RAP2C: variants seen among roughly 807,000 people sequenced by gnomAD.
RAP2C encodes ras-related protein Rap-2c.
A neutral mutation model predicts 8.9 loss-of-function variants in RAP2C; 3 were observed. That is an observed-to-expected ratio of 0.34 (90% CI 0.15 to 0.87). The LOEUF (loss-of-function observed/expected upper bound fraction) is 0.87. RAP2C is among the 40% of genes least tolerant of loss of function. The pLI is 0.51. For missense variants in RAP2C, 76 were observed against 133.7 expected, an observed-to-expected ratio of 0.57 and a Z score of 2.13; for synonymous variants, 60 against 52.1, an observed-to-expected ratio of 1.15 and a Z score of -0.65.
rs765942233 is a variant in RAP2C at position 132,203,754 on chromosome X, AAATT to A, written c.*1864_*1867del. The stretch of plus-strand genomic sequence containing the variant: ...AAGTTTGGTATTAAAGTGCAAACTT[AAATT>A]AAGTATTCACTTCAAGCAGTTCATA... On this transcript the variant is annotated 3_prime_UTR_variant, in exon 6 of 6. Transcript: ENST00000370874. 84 of 112,408 alleles carry A rather than the reference AAATT, an allele frequency of 7.5e-4. 2 individuals carry two copies. In the Admixed American group the frequency reaches 7.9e-3, roughly 11 times the overall value. The allele number at this position is 112,408 out of a possible 1,213,427, so 9.3% of individuals were successfully genotyped here.
At chrX:132,216,922 G>C in intron 4 of RAP2C, 74 bp downstream of exon 4, 1 of 1,030,990 alleles carries the variant, frequency 9.7e-7, no homozygotes, top group Admixed American at 3.5e-5. Flanking sequence ...TTAATGCACG[G>C]TTCAAGCAAC....
Position 132,217,345 on chromosome X carries a change from G to A in RAP2C, c.-77C>T. 3.1e-6 allele frequency: 3 copies of A among 955,410 alleles called. No individual in the cohort carries two copies. Among genetic ancestry groups the A allele is most frequent in the Non-Finnish European group, 4.1e-6 (3 of 724,520 alleles). The allele number at this position is 955,410 out of a possible 1,213,427, so 78.7% of individuals were successfully genotyped here. A position where few individuals can be genotyped will look rare whatever the true frequency, so the allele number is the denominator to read the frequency against. The stretch of plus-strand genomic sequence containing the variant: ...AGCTGTGGCGCGGCTAGACGAGGCG[G>A]AAGGTGGGCGGAAATCTGCGAACTG... On this transcript the variant is annotated 5_prime_UTR_variant, in exon 4 of 6. Transcript: ENST00000370874.
chrX:132,218,362 C>G (rs1376488138), intron 1 of RAP2C, 21 bp from the exon 2 acceptor site: 5 of 108,130 alleles, frequency 4.6e-5, no homozygotes, highest in African/African-American at 1.7e-4. Context: ...AGTCCTTACC[C>G]GCCCGCGGCT....
At position 132,205,421 on chromosome X, in the gene RAP2C, C is replaced by G. The variant is rs1361116467; in HGVS notation, c.*201G>C. 8.9e-6 allele frequency: 1 copy of G among 112,037 alleles called. No homozygotes were observed. Among genetic ancestry groups the G allele is most frequent in the Non-Finnish European group, 1.9e-5 (1 of 53,155 alleles). The allele number at this position is 112,037 out of a possible 1,213,427, so 9.2% of individuals were successfully genotyped here. On this transcript the variant is annotated 3_prime_UTR_variant, in exon 6 of 6. Coordinates refer to ENST00000370874, the MANE Select transcript of RAP2C (RefSeq NM_001271186.2). Reference sequence around the variant, plus strand: ...TTAAACGTATGGTAAACGTGCTAAGCATTCCTGTTTAAGGTCGATGGATCT... The same window carrying G: ...TTAAACGTATGGTAAACGTGCTAAGGATTCCTGTTTAAGGTCGATGGATCT...
Position 132,203,691 on chromosome X carries a change from T to C in RAP2C, c.*1931A>G, listed in dbSNP as rs1002352215. The C allele has an allele frequency of 1.8e-5, 2 of 112,520 alleles. No individual in the cohort carries two copies. Among genetic ancestry groups the C allele is most frequent in the East Asian group, 5.5e-4 (2 of 3,606 alleles). The allele number at this position is 112,520 out of a possible 1,213,427, so 9.3% of individuals were successfully genotyped here. The stretch of plus-strand genomic sequence containing the variant: ...CCACAAAGCTAATAACAATGATCCA[T>C]GATCACTTAACCTACTTTTAAATGA... On this transcript the variant is annotated 3_prime_UTR_variant, in exon 6 of 6. Transcript: ENST00000370874.
At position 132,216,982 on chromosome X, in the gene RAP2C, C is replaced by G. The variant is rs771794177; in HGVS notation, c.273+14G>C. On this transcript the variant is annotated intron_variant, in intron 4 of 5. Transcript: ENST00000370874. ...CACCCCCTTCTAACAAATTACAAGACTTGGTTTGGTTACCTGAAAAGACTG... is the reference window on the plus strand; with the variant it reads ...CACCCCCTTCTAACAAATTACAAGAGTTGGTTTGGTTACCTGAAAAGACTG... 1 of 1,113,266 alleles carries G rather than the reference C, an allele frequency of 9.0e-7. No homozygotes were observed. The highest frequency in any genetic ancestry group is 3.1e-5 in the Admixed American group (1 of 31,839). The allele number at this position is 1,113,266 out of a possible 1,213,427, so 91.7% of individuals were successfully genotyped here. A position where few individuals can be genotyped will look rare whatever the true frequency, so the allele number is the denominator to read the frequency against.
rs1055009035 is a variant in RAP2C at position 132,203,787 on chromosome X, AAGG to A, written c.*1832_*1834del. On this transcript the variant is annotated 3_prime_UTR_variant, in exon 6 of 6. Coordinates refer to ENST00000370874, the MANE Select transcript of RAP2C (RefSeq NM_001271186.2). Reference sequence around the variant, plus strand: ...TATTCACTTCAAGCAGTTCATAAATAAGGAACAATGTTTCAATTGCCTCTATCT... The same window carrying A: ...TATTCACTTCAAGCAGTTCATAAATAAACAATGTTTCAATTGCCTCTATCT... 8.9e-6 allele frequency: 1 copy of A among 112,281 alleles called. No homozygotes were observed. The highest frequency in any genetic ancestry group is 3.2e-5 in the African/African-American group (1 of 30,867). The allele number at this position is 112,281 out of a possible 1,213,427, so 9.3% of individuals were successfully genotyped here.
At position 132,205,055 on chromosome X, in the gene RAP2C, A is replaced by T. The variant is rs1376901647; in HGVS notation, c.*567T>A. ...AAGGGATATTCCATCCATACAGGTA[A>T]AATGTGATCTTTAGTTTCTTTTTAC... On this transcript the variant is annotated 3_prime_UTR_variant, in exon 6 of 6. Transcript: ENST00000370874. 1 of 111,264 alleles carries T rather than the reference A, an allele frequency of 9.0e-6. No individual in the cohort carries two copies. Among genetic ancestry groups the T allele is most frequent in the Non-Finnish European group, 1.9e-5 (1 of 52,877 alleles). The allele number at this position is 111,264 out of a possible 1,213,427, so 9.2% of individuals were successfully genotyped here.
At position 132,203,506 on chromosome X, in the gene RAP2C, T is replaced by TGAGAGAGAGAGA. The variant is rs10617253; in HGVS notation, c.*2104_*2115dup. On this transcript the variant is annotated 3_prime_UTR_variant, in exon 6 of 6. Coordinates refer to ENST00000370874, the MANE Select transcript of RAP2C (RefSeq NM_001271186.2). ...TCAATGACAATGAACACTGTAATTT[T>TGAGAGAGAGAGA]GAGAGAGAGAGAGAGAGAGAGAGAG... The TGAGAGAGAGAGA allele has an allele frequency of 1.7e-5, 1 of 60,343 alleles. No homozygotes were observed. Among genetic ancestry groups the TGAGAGAGAGAGA allele is most frequent in the Non-Finnish European group, 3.2e-5 (1 of 31,272 alleles). The allele number at this position is 60,343 out of a possible 1,213,427, so 5.0% of individuals were successfully genotyped here. A position where few individuals can be genotyped will look rare whatever the true frequency, so the allele number is the denominator to read the frequency against.
chrX:132,213,866 T>G (rs1157099373), intron 5 of RAP2C, among the ~76,000 whole-genome samples: 3 of 111,785 alleles, frequency 2.7e-5, no homozygotes, highest in Non-Finnish European at 5.6e-5. Flanking sequence ...CAAAGAAATA[T>G]TACCAATAAA....
At chrX:132,207,597 A>G (rs1930308371) in intron 5 of RAP2C, among the ~76,000 whole-genome samples, 1 of 111,936 alleles carries the variant, frequency 8.9e-6, no homozygotes, top group East Asian at 2.8e-4. Context: ...AGAGAGTAAT[A>G]AATTATAATT....
intron 5 of RAP2C, among the ~76,000 whole-genome samples, chrX:132,207,954 G>T (rs1258147802): frequency 1.8e-5 from 2 of 108,834 alleles, no homozygotes; most frequent in Admixed American, 2.0e-4. Flanking sequence ...TTACTTAATT[G>T]TTTGGTTTTA....
At chrX:132,216,372 A>C (rs1410616359) in intron 4 of RAP2C, among the ~76,000 whole-genome samples, 1 of 111,792 alleles carries the variant, frequency 8.9e-6, no homozygotes, top group Non-Finnish European at 1.9e-5. Flanking sequence ...GTTGGTTATT[A>C]ATTCTAGGTA....
In RAP2C at chrX:132,203,541, G is replaced by T. The variant is rs776649420; in HGVS notation, c.*2081C>A. 1 of 101,692 alleles carries T rather than the reference G, an allele frequency of 9.8e-6. No homozygotes were observed. The highest frequency in any genetic ancestry group is 3.7e-5 in the African/African-American group (1 of 27,095). The allele number at this position is 101,692 out of a possible 1,213,427, so 8.4% of individuals were successfully genotyped here. A position where few individuals can be genotyped will look rare whatever the true frequency, so the allele number is the denominator to read the frequency against. ...AGAGAGAGAGAGAGAGAGAGAGAGAGAGAGAGAGAGAGAGAGAGAGAAACA... is the reference window on the plus strand; with the variant it reads ...AGAGAGAGAGAGAGAGAGAGAGAGATAGAGAGAGAGAGAGAGAGAGAAACA... On this transcript the variant is annotated 3_prime_UTR_variant, in exon 6 of 6. Transcript: ENST00000370874.
chrX:132,214,765 C>T (rs1057404279), intron 4 of RAP2C, among the ~76,000 whole-genome samples: 2 of 111,520 alleles, frequency 1.8e-5, no homozygotes, highest in Non-Finnish European at 3.8e-5. Context: ...TTAATCCATT[C>T]GTACATAAGG....
At position 132,213,614 on chromosome X, in the gene RAP2C, C is replaced by T. The variant is rs751114184; in HGVS notation, c.*34+520G>A. ...TATAATTTGTTATTATCAGAGGTCACTTAAGTCCCTCAAGTGTTAGGTACA... is the reference window on the plus strand; with the variant it reads ...TATAATTTGTTATTATCAGAGGTCATTTAAGTCCCTCAAGTGTTAGGTACA... On this transcript the variant is annotated intron_variant, in intron 5 of 5. Transcript: ENST00000370874. Among the ~76,000 whole-genome samples the T allele has an allele frequency of 1.3e-3, 144 of 112,004 alleles. 1 individual carries two copies. Among genetic ancestry groups the T allele is most frequent in the Middle Eastern group, 9.3e-3 (2 of 216 alleles).
intron 5 of RAP2C, among the ~76,000 whole-genome samples, chrX:132,207,855 G>A (rs1223841266): frequency 8.9e-6 from 1 of 111,741 alleles, no homozygotes; most frequent in African/African-American, 3.3e-5. Context: ...CAGCTTTCAA[G>A]ATAGAACACA....
Position 132,217,576 on chromosome X carries a change from C to G in RAP2C, c.-308G>C. The G allele has an allele frequency of 4.7e-6, 1 of 212,763 alleles. No homozygotes were observed. Among genetic ancestry groups the G allele is most frequent in the Non-Finnish European group, 8.6e-6 (1 of 116,539 alleles). 17.5% of individuals were successfully genotyped at this position (212,763 alleles called of 1,213,427 possible). On this transcript the variant is annotated 5_prime_UTR_variant, in exon 4 of 6. Transcript: ENST00000370874. Reference sequence around the variant, plus strand: ...AGGGTGGCGAGGAGGCGCGTGCCCCCGGGAGGGAAAGGGTGGGGGCTGCGG... The same window carrying G: ...AGGGTGGCGAGGAGGCGCGTGCCCCGGGGAGGGAAAGGGTGGGGGCTGCGG...
rs1248546145 is a variant in RAP2C at position 132,217,331 on chromosome X, G to C, written c.-63C>G. ...AAGATCACCCCGCTAGCTGTGGCGC[G>C]GCTAGACGAGGCGGAAGGTGGGCGG... On this transcript the variant is annotated 5_prime_UTR_variant, in exon 4 of 6. Coordinates refer to ENST00000370874, the MANE Select transcript of RAP2C (RefSeq NM_001271186.2). 3 of 998,624 alleles carry C rather than the reference G, an allele frequency of 3.0e-6. No individual in the cohort carries two copies. The highest frequency in any genetic ancestry group is 2.6e-6 in the Non-Finnish European group (2 of 763,643). 82.3% of individuals were successfully genotyped at this position (998,624 alleles called of 1,213,427 possible).
Sources: gnomAD v4.1 joint callset for allele counts (sites outside exome capture counted in the v4.1 genomes callset) on GRCh38, gnomAD v4.1.1 for gene constraint, MANE v1.5 for transcripts, NCBI Gene and HGNC (gene_info 2026-07-23, HGNC 2026-07-21) for gene names.